HS6ST3: variants seen among roughly 807,000 people sequenced by gnomAD.
HS6ST3 encodes heparan-sulfate 6-O-sulfotransferase 3.
Under a neutral mutation model 36.7 loss-of-function variants are expected in HS6ST3, and 12 were observed. The ratio of observed to expected loss-of-function variants is 0.33; its 90% confidence interval spans 0.21 to 0.53. The LOEUF (loss-of-function observed/expected upper bound fraction) is 0.53. Ranked by LOEUF, HS6ST3 falls within the 20% of genes least tolerant of loss-of-function variation. The pLI, the probability that HS6ST3 is intolerant of heterozygous loss-of-function variation, is 0.95. For missense variants in HS6ST3, 584 were observed against 640.9 expected, an observed-to-expected ratio of 0.91 and a Z score of 0.96; for synonymous variants, 240 against 257.5, an observed-to-expected ratio of 0.93 and a Z score of 0.65.
chr13:96,105,066 G>GA (rs35882347), intron 1 of HS6ST3, among the ~76,000 whole-genome samples: 57,615 of 137,226 alleles, frequency 0.42, 12,131 homozygotes, highest in African/African-American at 0.47. Flanking sequence ...CATAAAGATG[G>GA]AAAAAAAAAA....
intron 1 of HS6ST3, among the ~76,000 whole-genome samples, chr13:96,206,201 T>A (rs2054369557): frequency 6.6e-6 from 1 of 152,162 alleles, no homozygotes; most frequent in African/African-American, 2.4e-5. Flanking sequence ...ATGAATGTAC[T>A]TCCATTCACA....
In HS6ST3 at chr13:96,836,029, T is replaced by G. The variant is rs1207933382; in HGVS notation, c.*2831T>G. On this transcript the variant is annotated 3_prime_UTR_variant, in exon 2 of 2. Transcript: ENST00000376705. The stretch of plus-strand genomic sequence containing the variant: ...GTTGATAGAAATGGAGAGGTAGGGA[T>G]ACAGTTTATTCTCCAAAAATGGACT... 1 of 152,186 alleles carries G rather than the reference T, an allele frequency of 6.6e-6. No homozygotes were observed. The highest frequency in any genetic ancestry group is 1.5e-5 in the Non-Finnish European group (1 of 68,036). The allele number at this position is 152,186 out of a possible 1,614,324, so 9.4% of individuals were successfully genotyped here.
At chr13:96,228,406 C>T (rs1012080705) in intron 1 of HS6ST3, among the ~76,000 whole-genome samples, 4 of 152,058 alleles carry the variant, frequency 2.6e-5, no homozygotes, top group African/African-American at 9.7e-5. Context: ...TACGGGATTA[C>T]AGCCAGCTGC....
chr13:96,823,852 A>T (rs1233069968), intron 1 of HS6ST3, among the ~76,000 whole-genome samples: 3 of 152,116 alleles, frequency 2.0e-5, no homozygotes, highest in Non-Finnish European at 4.4e-5. Context: ...ACTGACCTCA[A>T]GTGATCCTCC....
intron 1 of HS6ST3, among the ~76,000 whole-genome samples, chr13:96,776,481 T>C (rs183269857): frequency 6.6e-6 from 1 of 152,070 alleles, no homozygotes; most frequent in East Asian, 1.9e-4. Flanking sequence ...ACGAGTCAAA[T>C]AGACACAATA....
intron 1 of HS6ST3, among the ~76,000 whole-genome samples, chr13:96,403,691 G>T (rs767887112): frequency 6.6e-6 from 1 of 152,116 alleles, no homozygotes; most frequent in Non-Finnish European, 1.5e-5. Context: ...GTATGTTTTC[G>T]GGGGACAGGT....
chr13:96,630,610 C>T (rs1175369482), intron 1 of HS6ST3, among the ~76,000 whole-genome samples: 3 of 152,002 alleles, frequency 2.0e-5, no homozygotes, highest in Admixed American at 2.0e-4. Context: ...GACTCTGGCT[C>T]TTATCTCTTC....
At chr13:96,341,684 A>G (rs1003172819) in intron 1 of HS6ST3, among the ~76,000 whole-genome samples, 3 of 152,192 alleles carry the variant, frequency 2.0e-5, no homozygotes, top group African/African-American at 7.2e-5. Flanking sequence ...GGAGAAATGG[A>G]GATCGATGGG....
At chr13:96,248,779 A>AT (rs2139376261) in intron 1 of HS6ST3, among the ~76,000 whole-genome samples, 1 of 152,284 alleles carries the variant, frequency 6.6e-6, no homozygotes, top group South Asian at 2.1e-4. Context: ...GAAAACTGCT[A>AT]TTCAAAGTAT....
At chr13:96,823,756 A>T (rs781202300) in intron 1 of HS6ST3, among the ~76,000 whole-genome samples, 72 of 152,008 alleles carry the variant, frequency 4.7e-4, no homozygotes, top group Non-Finnish European at 4.3e-4. Context: ...AGTAGCTGGG[A>T]TTACAGTCGC....
intron 1 of HS6ST3, among the ~76,000 whole-genome samples, chr13:96,514,591 C>T (rs948191391): frequency 4.6e-5 from 7 of 152,090 alleles, no homozygotes; most frequent in African/African-American, 9.7e-5. Flanking sequence ...GAGCACACAG[C>T]GAGAAGGCGG....
intron 1 of HS6ST3, among the ~76,000 whole-genome samples, chr13:96,255,085 C>T (rs557188592): frequency 6.6e-6 from 1 of 152,164 alleles, no homozygotes; most frequent in East Asian, 1.9e-4. Flanking sequence ...TTTTCAGAAC[C>T]TTTTCAAAAT....
intron 1 of HS6ST3, among the ~76,000 whole-genome samples, chr13:96,511,267 A>T (rs773656320): frequency 1.3e-5 from 2 of 152,174 alleles, no homozygotes; most frequent in Non-Finnish European, 2.9e-5. Context: ...TTAGGAATTT[A>T]TACCTAGAGG....
At chr13:96,166,456 G>A (rs903891777) in intron 1 of HS6ST3, among the ~76,000 whole-genome samples, 5 of 152,140 alleles carry the variant, frequency 3.3e-5, no homozygotes, top group Admixed American at 1.3e-4. Flanking sequence ...GAGTGGATGA[G>A]TGTGGCTCTT....
At chr13:96,436,037 C>T (rs970017437) in intron 1 of HS6ST3, among the ~76,000 whole-genome samples, 6 of 152,136 alleles carry the variant, frequency 3.9e-5, no homozygotes, top group Admixed American at 6.5e-5. Context: ...TTCCTAATTC[C>T]CCTTCTTCTC....
chr13:96,126,303 C>G lies in HS6ST3; in HGVS notation c.707+34734C>G, dbSNP rs140602557. ...TTAACTGTGCTACGCTTGGTCTCCT[C>G]CAGCACCCCACTCTGCAAAATGTGG... On this transcript the variant is annotated intron_variant, in intron 1 of 1. Transcript: ENST00000376705. Among the ~76,000 whole-genome samples, 564 of 152,270 alleles carry G rather than the reference C, an allele frequency of 3.7e-3. 3 individuals carry two copies. Among genetic ancestry groups the G allele is most frequent in the African/African-American group, 0.013 (543 of 41,544 alleles).
intron 1 of HS6ST3, among the ~76,000 whole-genome samples, chr13:96,405,380 C>T (rs1170691402): frequency 6.6e-6 from 1 of 152,076 alleles, no homozygotes; most frequent in Admixed American, 6.6e-5. Context: ...GAATATACTG[C>T]TACATATGGA....
At chr13:96,111,428 A>G (rs2053867899) in intron 1 of HS6ST3, among the ~76,000 whole-genome samples, 1 of 152,252 alleles carries the variant, frequency 6.6e-6, no homozygotes, top group Non-Finnish European at 1.5e-5. Context: ...TGTGCCAGAC[A>G]TCTAGGTATA....
At chr13:96,236,983 T>C (rs1011684642) in intron 1 of HS6ST3, among the ~76,000 whole-genome samples, 9 of 152,140 alleles carry the variant, frequency 5.9e-5, no homozygotes, top group African/African-American at 2.2e-4. Context: ...AACTTACAAT[T>C]ATGGGAGAAG....
Sources: gnomAD v4.1 joint callset for allele counts (sites outside exome capture counted in the v4.1 genomes callset) on GRCh38, gnomAD v4.1.1 for gene constraint, MANE v1.5 for transcripts, NCBI Gene and HGNC (gene_info 2026-07-23, HGNC 2026-07-21) for gene names.